OSBPL10: variants seen among roughly 807,000 people sequenced by gnomAD.
The protein encoded by OSBPL10 is oxysterol-binding protein-related protein 10.
Under a neutral mutation model 81.7 loss-of-function variants are expected in OSBPL10, and 49 were observed. That is an observed-to-expected ratio of 0.60 (90% CI 0.48 to 0.76). The LOEUF (loss-of-function observed/expected upper bound fraction) is 0.76, where lower values mean the gene tolerates loss of function less well. OSBPL10 is among the 30% of genes least tolerant of loss of function. The pLI is 0.00. For missense variants in OSBPL10, 923 were observed against 987.8 expected, an observed-to-expected ratio of 0.93 and a Z score of 0.88; for synonymous variants, 419 against 383.6, an observed-to-expected ratio of 1.09 and a Z score of -1.08.
intron 1 of OSBPL10, among the ~76,000 whole-genome samples, chr3:31,903,029 C>T (rs891829990): frequency 6.6e-6 from 1 of 152,206 alleles, no homozygotes; most frequent in Non-Finnish European, 1.5e-5. Flanking sequence ...CATGCCCTTC[C>T]TTCCTCCTTC....
At chr3:32,046,062 T>C (rs1445290037) in intron 2 of OSBPL10, 1 of 152,210 alleles carries the variant, frequency 6.6e-6, no homozygotes. Context: ...TTACTTATTA[T>C]ACAGAATATT....
At chr3:32,047,688 A>G (rs1699634946) in intron 1 of OSBPL10, among the ~76,000 whole-genome samples, 1 of 148,316 alleles carries the variant, frequency 6.7e-6, no homozygotes, top group Non-Finnish European at 1.5e-5. Context: ...TTTGAGACGG[A>G]GTCTTGCTCT....
chr3:31,803,809 T>A lies in OSBPL10; in HGVS notation c.729+26231A>T, dbSNP rs116170901. 4.1e-3 allele frequency among the ~76,000 whole-genome samples: 625 copies of A among 152,322 alleles called. 3 individuals carry two copies. Among genetic ancestry groups the A allele is most frequent in the African/African-American group, 0.014 (598 of 41,568 alleles). ...GTCCCTAGTATTTCCTAGATTGGGG[T>A]CATGTGCACTTTTGGTAAGAATAAC... On this transcript the variant is annotated intron_variant, in intron 4 of 11. Transcript: ENST00000396556.
At chr3:31,835,119 T>C (rs1700333864) in intron 3 of OSBPL10, among the ~76,000 whole-genome samples, 1 of 152,210 alleles carries the variant, frequency 6.6e-6, no homozygotes. Flanking sequence ...CTTGGTATCT[T>C]AAGTAGTCAC....
At chr3:32,032,686 T>G (rs1488611161) in intron 2 of OSBPL10, among the ~76,000 whole-genome samples, 1 of 152,212 alleles carries the variant, frequency 6.6e-6, no homozygotes, top group Non-Finnish European at 1.5e-5. Context: ...ACATCTCCAA[T>G]TTTTAATTCT....
chr3:32,065,634 C>T (rs1193927617), intron 1 of OSBPL10, among the ~76,000 whole-genome samples: 1 of 91,080 alleles, frequency 1.1e-5, no homozygotes, highest in African/African-American at 2.8e-5. Flanking sequence ...ATAATCCCCC[C>T]GCTTTGAGAG....
At chr3:31,933,405 AAT>A (rs112296975) in intron 1 of OSBPL10, among the ~76,000 whole-genome samples, 22 of 138,134 alleles carry the variant, frequency 1.6e-4, no homozygotes, top group South Asian at 4.7e-4. Context: ...GGAAACAATA[AAT>A]TTTTTTTTTT....
At chr3:31,758,718 C>G (rs1406519707) in intron 4 of OSBPL10, among the ~76,000 whole-genome samples, 1 of 152,200 alleles carries the variant, frequency 6.6e-6, no homozygotes, top group Non-Finnish European at 1.5e-5. Flanking sequence ...GTTAATGCTG[C>G]ATTTTTTTGA....
chr3:31,825,278 C>T (rs1290803708), intron 4 of OSBPL10, among the ~76,000 whole-genome samples: 1 of 152,254 alleles, frequency 6.6e-6, no homozygotes, highest in Non-Finnish European at 1.5e-5. Flanking sequence ...ACTGGAAACA[C>T]AGATGCACAG....
intron 3 of OSBPL10, among the ~76,000 whole-genome samples, chr3:31,842,174 T>A (rs551798429): frequency 1.3e-4 from 19 of 150,784 alleles, no homozygotes; most frequent in Non-Finnish European, 2.4e-4. Flanking sequence ...AAAGTTAAAA[T>A]GACACACACA....
intron 4 of OSBPL10, among the ~76,000 whole-genome samples, chr3:31,780,631 T>C (rs116317307): frequency 3.1e-4 from 47 of 152,206 alleles, no homozygotes; most frequent in Non-Finnish European, 6.6e-4. Context: ...AGAGATATTA[T>C]AATCAATACC....
chr3:31,925,984 T>G (rs1697062466), intron 1 of OSBPL10, among the ~76,000 whole-genome samples: 1 of 152,196 alleles, frequency 6.6e-6, no homozygotes, highest in Non-Finnish European at 1.5e-5. Flanking sequence ...GGTCAAGTAT[T>G]CCTTCCTTTC....
chr3:31,774,094 G>A (rs1011991086), intron 4 of OSBPL10, among the ~76,000 whole-genome samples: 17 of 151,154 alleles, frequency 1.1e-4, no homozygotes, highest in Non-Finnish European at 1.6e-4. Flanking sequence ...CCTGGGAGGC[G>A]GAGGTTGCAG....
At chr3:31,847,194 CT>C (rs1165840077) in intron 3 of OSBPL10, among the ~76,000 whole-genome samples, 64 of 144,968 alleles carry the variant, frequency 4.4e-4, no homozygotes, top group Non-Finnish European at 4.4e-4. Context: ...CTCCCCATTC[CT>C]TTTTTTTTTT....
intron 1 of OSBPL10, among the ~76,000 whole-genome samples, chr3:31,932,735 C>A (rs1002456375): frequency 5.3e-5 from 8 of 151,904 alleles, no homozygotes; most frequent in Non-Finnish European, 1.0e-4. Context: ...GCAAGAGAAT[C>A]AAAAATTTAA....
chr3:32,014,139 C>G (rs1284542802), intron 2 of OSBPL10, among the ~76,000 whole-genome samples: 1 of 151,870 alleles, frequency 6.6e-6, no homozygotes, highest in East Asian at 1.9e-4. Context: ...AGACACACAA[C>G]AAAAAAAGAG....
chr3:31,906,434 C>T (rs575743052), intron 1 of OSBPL10, among the ~76,000 whole-genome samples: 2 of 152,180 alleles, frequency 1.3e-5, no homozygotes, highest in Non-Finnish European at 2.9e-5. Context: ...TTTGCCCTAA[C>T]AGATCCAGGG....
At position 31,662,058 on chromosome 3, in the gene OSBPL10, G is replaced by T; in HGVS notation, c.*14C>A. 1 of 1,613,400 alleles carries T rather than the reference G, an allele frequency of 6.2e-7. No homozygotes were observed. ...AAACAGGGCTATACTGGAAAGCTCT[G>T]CACCTCCACCCCATCAGTGTGCTTT... On this transcript the variant is annotated 3_prime_UTR_variant, in exon 12 of 12. Coordinates refer to ENST00000396556, the MANE Select transcript of OSBPL10 (RefSeq NM_017784.5).
intron 1 of OSBPL10, among the ~76,000 whole-genome samples, chr3:31,980,439 A>G (rs1311759415): frequency 6.6e-6 from 1 of 152,228 alleles, no homozygotes. Flanking sequence ...TGAAACACCA[A>G]ACTTTAAAAT....
Sources: gnomAD v4.1 joint callset for allele counts (sites outside exome capture counted in the v4.1 genomes callset) on GRCh38, gnomAD v4.1.1 for gene constraint, MANE v1.5 for transcripts, NCBI Gene and HGNC (gene_info 2026-07-23, HGNC 2026-07-21) for gene names.